The following GPC4 variants were observed in gnomAD, a reference collection of about 807,000 sequenced individuals.
GPC4 encodes glypican-4.
GPC4 carries 10 observed loss-of-function variants against 35.0 expected under a neutral mutation model. That is an observed-to-expected ratio of 0.29 (90% confidence interval 0.18 to 0.48). The LOEUF (loss-of-function observed/expected upper bound fraction) is 0.48, where lower values mean the gene tolerates loss of function less well. GPC4 is among the 20% of genes least tolerant of loss of function. The pLI, the probability that GPC4 is intolerant of heterozygous loss-of-function variation, is 0.99. For missense variants in GPC4, 322 were observed against 451.3 expected, an observed-to-expected ratio of 0.71 and a Z score of 2.60; for synonymous variants, 167 against 170.2, an observed-to-expected ratio of 0.98 and a Z score of 0.15.
intron 1 of GPC4, among the ~76,000 whole-genome samples, chrX:133,374,737 AT>A (rs1348168149): frequency 8.9e-6 from 1 of 112,347 alleles, no homozygotes; most frequent in Non-Finnish European, 1.9e-5. Context: ...TAGCAGGGCT[AT>A]CATATTCTGC....
chrX:133,376,404 T>C (rs1367209136), intron 1 of GPC4, among the ~76,000 whole-genome samples: 2 of 112,656 alleles, frequency 1.8e-5, no homozygotes, highest in Non-Finnish European at 3.8e-5. Context: ...TCCCCTGGCA[T>C]GTGTGCATGC....
At chrX:133,383,648 C>G (rs1315089145) in intron 1 of GPC4, among the ~76,000 whole-genome samples, 3 of 111,045 alleles carry the variant, frequency 2.7e-5, no homozygotes, top group African/African-American at 9.8e-5. Context: ...GAGATCGAGA[C>G]TAGCCTGGGC....
At chrX:133,319,565 TC>T (rs1256334459) in intron 3 of GPC4, among the ~76,000 whole-genome samples, 1 of 107,559 alleles carries the variant, frequency 9.3e-6, no homozygotes, top group African/African-American at 3.4e-5. Flanking sequence ...CTTTGAAAGG[TC>T]TTTTTTTCAG....
chrX:133,349,853 C>G (rs1424703910), intron 1 of GPC4, among the ~76,000 whole-genome samples: 3 of 111,553 alleles, frequency 2.7e-5, no homozygotes, highest in South Asian at 7.7e-4. Context: ...ACTCCTGGCT[C>G]ATGCAATCCT....
At chrX:133,318,019 A>G (rs750643616) in intron 3 of GPC4, among the ~76,000 whole-genome samples, 41 of 112,037 alleles carry the variant, frequency 3.7e-4, no homozygotes, top group Non-Finnish European at 4.3e-4. Context: ...CTTTGTTTCA[A>G]ATGATTAGAC....
intron 3 of GPC4, among the ~76,000 whole-genome samples, chrX:133,321,098 A>G (rs1282922933): frequency 1.8e-5 from 2 of 112,138 alleles, no homozygotes; most frequent in Non-Finnish European, 3.8e-5. Context: ...ATTGGGTCAC[A>G]TACCTTTGTT....
At position 133,304,826 on chromosome X, in the gene GPC4, C is replaced by T; in HGVS notation, c.1191G>A (p.Lys397=). 1 of 1,210,991 alleles carries T rather than the reference C, an allele frequency of 8.3e-7. No individual in the cohort carries two copies. Reference sequence around the variant, plus strand: ...TGCTCGGAAGGGAGGACCAGAATTTCTTGGCCTGTTTCAGTTTCTCCTTGA... The same window carrying T: ...TGCTCGGAAGGGAGGACCAGAATTTTTTGGCCTGTTTCAGTTTCTCCTTGA... The part of the protein sequence containing the change: ...TDVKEKLKQA[K]KFWSSLPSNV... The change falls in exon 7 of 9, where the codon AAG becomes AAA. Residue 397 remains lysine (K), a synonymous_variant. Transcript: ENST00000370828.
intron 1 of GPC4, among the ~76,000 whole-genome samples, chrX:133,387,984 C>T (rs900292551): frequency 8.9e-6 from 1 of 111,939 alleles, no homozygotes; most frequent in Non-Finnish European, 1.9e-5. Flanking sequence ...GTTTTTCCCA[C>T]AACTTTGTGT....
intron 1 of GPC4, among the ~76,000 whole-genome samples, chrX:133,342,032 ATTTTTTTTTT>A (rs975355748): frequency 2.5e-4 from 18 of 72,897 alleles, no homozygotes; most frequent in Non-Finnish European, 4.5e-4. Context: ...TTTTGGCACT[ATTTTTTTTTT>A]TTTTTTTTTT....
chrX:133,314,500 T>C lies in GPC4; in HGVS notation c.712-3077A>G, dbSNP rs922084612. ...TCCATTTCATTATTTGGCTAAGTGC[T>C]GGCTCATGCTCTGTACATGATTTGT... On this transcript the variant is annotated intron_variant, in intron 3 of 8. Transcript: ENST00000370828. Among the ~76,000 whole-genome samples the C allele has an allele frequency of 1.8e-4, 20 of 111,798 alleles. No individual in the cohort carries two copies. In the Admixed American group the frequency reaches 1.8e-3, roughly 10 times the overall value.
chrX:133,350,602 A>G (rs1454812051), intron 1 of GPC4, among the ~76,000 whole-genome samples: 1 of 112,123 alleles, frequency 8.9e-6, no homozygotes, highest in Non-Finnish European at 1.9e-5. Context: ...CCATTCCTCA[A>G]AATTCTAGCT....
intron 1 of GPC4, among the ~76,000 whole-genome samples, chrX:133,399,859 G>T (rs2124180177): frequency 9.0e-6 from 1 of 111,596 alleles, no homozygotes; most frequent in South Asian, 3.8e-4. Flanking sequence ...GGGAGTGGTG[G>T]TGTGCACCTG....
intron 4 of GPC4, 111 bp downstream of exon 4, chrX:133,311,147 T>G: frequency 1.3e-6 from 1 of 764,590 alleles, no homozygotes. Context: ...TGACAAACAC[T>G]AAATAGCAAA....
chrX:133,389,588 G>A (rs925140085), intron 1 of GPC4, among the ~76,000 whole-genome samples: 3 of 111,483 alleles, frequency 2.7e-5, no homozygotes, highest in African/African-American at 9.8e-5. Flanking sequence ...GCCTGCGGGC[G>A]AGACGAGAAG....
intron 1 of GPC4, among the ~76,000 whole-genome samples, chrX:133,356,016 T>C (rs746344208): frequency 8.1e-5 from 9 of 111,704 alleles, no homozygotes; most frequent in Non-Finnish European, 1.7e-4. Flanking sequence ...CTTTATAACT[T>C]ACCCAGCCTC....
intron 1 of GPC4, among the ~76,000 whole-genome samples, chrX:133,411,889 T>G (rs959225448): frequency 1.8e-5 from 2 of 111,646 alleles, no homozygotes; most frequent in African/African-American, 6.5e-5. Flanking sequence ...CATGATGTAC[T>G]CCCTGACACC....
chrX:133,326,232 C>T (rs758758724), intron 2 of GPC4, among the ~76,000 whole-genome samples: 1 of 111,212 alleles, frequency 9.0e-6, no homozygotes, highest in African/African-American at 3.3e-5. Flanking sequence ...AGTGAGAGGG[C>T]AGAAACTGCA....
chrX:133,404,300 C>A (rs976240836), intron 1 of GPC4, among the ~76,000 whole-genome samples: 6 of 107,617 alleles, frequency 5.6e-5, no homozygotes, highest in African/African-American at 2.0e-4. Context: ...GTAACCCCAG[C>A]ACTTTGGGAG....
rs770868731 is a variant in GPC4 at position 133,371,583 on chromosome X, C to T, written c.161-32242G>A. ...AACAAACTCATCAAATAAAAGCCTGCAGCCATCATTTCTAAATATAAATAA... is the reference window on the plus strand; with the variant it reads ...AACAAACTCATCAAATAAAAGCCTGTAGCCATCATTTCTAAATATAAATAA... On this transcript the variant is annotated intron_variant, in intron 1 of 8. Transcript: ENST00000370828. 2.7e-5 allele frequency among the ~76,000 whole-genome samples: 3 copies of T among 111,747 alleles called. No individual in the cohort carries two copies. The East Asian group carries it at 8.4e-4, about 31-fold the overall frequency.
Sources: allele counts gnomAD v4.1 joint callset (sites outside exome capture counted in the v4.1 genomes callset), GRCh38; gene constraint gnomAD v4.1.1; transcripts MANE v1.5; gene names NCBI Gene and HGNC (gene_info 2026-07-23, HGNC 2026-07-21).